The following ANAPC4 variants were observed in gnomAD, a reference collection of about 807,000 sequenced individuals.
The protein encoded by ANAPC4 is anaphase-promoting complex subunit 4.
ANAPC4 carries 63 observed loss-of-function variants against 119.8 expected under a neutral mutation model. That is an observed-to-expected ratio of 0.53 (90% confidence interval 0.43 to 0.65). The LOEUF is 0.65. Among genes scored for constraint, ANAPC4 ranks in the 30% least tolerant of loss-of-function variants. The pLI is 0.00. For missense variants in ANAPC4, 716 were observed against 945.1 expected (o/e 0.76, Z 3.18); for synonymous variants, 283 against 318.6 (o/e 0.89, Z 1.19).
At chr4:25,388,088 C>T (rs1722141806) in intron 4 of ANAPC4, among the ~76,000 whole-genome samples, 1 of 152,144 alleles carries the variant, frequency 6.6e-6, no homozygotes, top group African/African-American at 2.4e-5. Context: ...ATGATCACAC[C>T]ACTGCACTCC....
chr4:25,416,400 A>G (rs1317906358), intron 26 of ANAPC4, 25 bp from the exon 27 acceptor site: 6 of 1,417,196 alleles, frequency 4.2e-6, no homozygotes, highest in Admixed American at 2.4e-5. Flanking sequence ...CATCTTTGAT[A>G]TAACAAAACT....
chr4:25,378,901 G>A (rs946728871), intron 2 of ANAPC4, among the ~76,000 whole-genome samples: 1 of 152,168 alleles, frequency 6.6e-6, no homozygotes, highest in Non-Finnish European at 1.5e-5. Context: ...GACAAAGCAA[G>A]GCAAAGATGA....
At chr4:25,408,435 CTA>C (rs1403943252) in intron 20 of ANAPC4, among the ~76,000 whole-genome samples, 1 of 151,626 alleles carries the variant, frequency 6.6e-6, no homozygotes, top group African/African-American at 2.4e-5. Flanking sequence ...TTTTATCAAA[CTA>C]TAAGCTAGAT....
chr4:25,392,889 C>T (rs182610560), intron 10 of ANAPC4, among the ~76,000 whole-genome samples: 41 of 152,258 alleles, frequency 2.7e-4, no homozygotes, highest in Admixed American at 2.4e-3. Flanking sequence ...GTCTCTACTC[C>T]ACATCCTTCA....
chr4:25,386,356 G>C (rs909354797), intron 4 of ANAPC4, among the ~76,000 whole-genome samples: 1 of 151,976 alleles, frequency 6.6e-6, no homozygotes, highest in Non-Finnish European at 1.5e-5. Context: ...GGAATTACAG[G>C]TGTGTGCCAC....
chr4:25,396,874 A>G lies in ANAPC4; in HGVS notation c.1189A>G (p.Ile397Val), dbSNP rs1488528534. The change falls in exon 16 of 29, where the codon ATA becomes GTA. Residue 397 changes from isoleucine to valine, a missense_variant. Ile to Val is a conservative substitution (Grantham distance 29). This residue lies in a region of ANAPC4 where 504 missense variants were observed against 615.8 expected (regional missense o/e 0.82). Coordinates refer to ENST00000315368, the MANE Select transcript of ANAPC4 (RefSeq NM_013367.3). The stretch of plus-strand genomic sequence containing the variant: ...AGCTATAACTGCTGTGGGTTCTTTT[A>G]TACTCAAGGCAAATGAACTTCTTCA... ...EEAITAVGSF[I>V]LKANELLQVI... is the part of the protein sequence containing the mutation. 6.2e-7 allele frequency: 1 copy of G among 1,612,708 alleles called. No homozygotes were observed. The highest frequency in any genetic ancestry group is 2.2e-5 in the East Asian group (1 of 44,846).
chr4:25,381,896 A>G (rs1475005536), intron 3 of ANAPC4, among the ~76,000 whole-genome samples: 1 of 152,106 alleles, frequency 6.6e-6, no homozygotes, highest in Non-Finnish European at 1.5e-5. Context: ...GCAGTGAGCC[A>G]ATATCGCACC....
chr4:25,398,375 A>G (rs62409208), intron 16 of ANAPC4, among the ~76,000 whole-genome samples: 16,660 of 152,190 alleles, frequency 0.11, 1,129 homozygotes, highest in East Asian at 0.18. Flanking sequence ...GAGAAGGTGA[A>G]GTTGGAAGGA....
chr4:25,388,566 G>A lies in ANAPC4; in HGVS notation c.435G>A (p.Leu145=), dbSNP rs1199006448. The A allele has an allele frequency of 3.1e-6, 5 of 1,602,158 alleles. No individual in the cohort carries two copies. Among genetic ancestry groups the A allele is most frequent in the Non-Finnish European group, 3.4e-6 (4 of 1,170,462 alleles). ...SNLLLPKLPT[L]PKNYSNTSKI... ...TTCTCTTACCTAAACTACCTACACT[G>A]CCAAAAAAGTATGTATCACTGGTTT... The change falls in exon 5 of 29, where the codon CTG becomes CTA. Residue 145 remains leucine, a synonymous_variant. Transcript: ENST00000315368.
intron 16 of ANAPC4, among the ~76,000 whole-genome samples, chr4:25,397,668 AG>A (rs1419938910): frequency 6.6e-6 from 1 of 151,940 alleles, no homozygotes; most frequent in Non-Finnish European, 1.5e-5. Context: ...GAACTTCAAA[AG>A]CAGAGTTCCA....
intron 9 of ANAPC4, 62 bp from the exon 10 acceptor site, chr4:25,392,276 A>C (rs1722390451): frequency 3.3e-6 from 4 of 1,202,350 alleles, no homozygotes; most frequent in African/African-American, 1.5e-5. Flanking sequence ...CCACACTCTA[A>C]ATTACAGACT....
At chr4:25,379,720 G>A (rs867392397) in intron 2 of ANAPC4, among the ~76,000 whole-genome samples, 1 of 152,326 alleles carries the variant, frequency 6.6e-6, no homozygotes, top group South Asian at 2.1e-4. Flanking sequence ...TCCAGGGGAT[G>A]TTGTAACCAG....
intron 17 of ANAPC4, among the ~76,000 whole-genome samples, chr4:25,403,385 C>G (rs1164625592): frequency 6.6e-6 from 1 of 151,828 alleles, no homozygotes; most frequent in Non-Finnish European, 1.5e-5. Context: ...AGAAACATTC[C>G]TCACAGAACT....
chr4:25,410,512 A>G (rs147513650), intron 21 of ANAPC4, among the ~76,000 whole-genome samples: 2 of 152,316 alleles, frequency 1.3e-5, no homozygotes, highest in African/African-American at 2.4e-5. Flanking sequence ...GGTACTTGGT[A>G]TCACCATTTA....
intron 18 of ANAPC4, among the ~76,000 whole-genome samples, chr4:25,406,449 C>T (rs984798747): frequency 2.6e-5 from 4 of 152,210 alleles, no homozygotes; most frequent in African/African-American, 9.6e-5. Flanking sequence ...CTGAAGCAGA[C>T]AGCACTGTTT....
intron 2 of ANAPC4, among the ~76,000 whole-genome samples, chr4:25,379,309 A>T (rs1281496098): frequency 2.0e-5 from 3 of 152,204 alleles, no homozygotes; most frequent in African/African-American, 4.8e-5. Context: ...GTTAGAAGGC[A>T]TGAGCAAGCC....
intron 16 of ANAPC4, among the ~76,000 whole-genome samples, chr4:25,399,003 G>A (rs1212035978): frequency 6.6e-6 from 1 of 151,024 alleles, no homozygotes; most frequent in Admixed American, 6.6e-5. Flanking sequence ...CTATTTTGAA[G>A]TAATTTTACA....
In ANAPC4 at chr4:25,418,227, T is replaced by G; in HGVS notation, c.2272T>G (p.Ser758Ala). 6.2e-7 allele frequency: 1 copy of G among 1,614,074 alleles called. No individual in the cohort carries two copies. Among genetic ancestry groups the G allele is most frequent in the Non-Finnish European group, 8.5e-7 (1 of 1,179,956 alleles). ...IDDEWELDES[S>A]DEEEEASNKP... is the part of the protein sequence containing the mutation. Reference sequence around the variant, plus strand: ...TGATGAATGGGAGCTCGATGAGTCTTCAGATGAAGAGGAGGAGGCCAGTAA... The same window carrying G: ...TGATGAATGGGAGCTCGATGAGTCTGCAGATGAAGAGGAGGAGGCCAGTAA... Residue 758 changes from serine to alanine, a missense_variant, in exon 29 of 29, where the codon TCA becomes GCA. Coordinates refer to ENST00000315368, the MANE Select transcript of ANAPC4 (RefSeq NM_013367.3).
chr4:25,397,734 C>A (rs1180537898), intron 16 of ANAPC4, among the ~76,000 whole-genome samples: 1 of 138,478 alleles, frequency 7.2e-6, no homozygotes, highest in Non-Finnish European at 1.6e-5. Context: ...TAATTCTTAG[C>A]CCTTTATAGT....
Sources: allele counts gnomAD v4.1 joint callset (sites outside exome capture counted in the v4.1 genomes callset), GRCh38; gene constraint gnomAD v4.1.1; regional missense constraint gnomAD v4.1.1; transcripts MANE v1.5; gene names NCBI Gene and HGNC (gene_info 2026-07-23, HGNC 2026-07-21).